DAB1: variants seen among roughly 807,000 people sequenced by gnomAD.
The protein encoded by DAB1 is DAB adaptor protein 1, also known as disabled homolog 1.
A neutral mutation model predicts 64.6 loss-of-function variants in DAB1; 15 were observed. That is an observed-to-expected ratio of 0.23 (90% CI 0.16 to 0.36). The LOEUF (loss-of-function observed/expected upper bound fraction) is 0.36. Among genes scored for constraint, DAB1 ranks in the 10% least tolerant of loss-of-function variants. DAB1 has a pLI of 1.00. For synonymous variants in DAB1, 235 were observed against 251.9 expected, an observed-to-expected ratio of 0.93 and a Z score of 0.64; for missense variants, 596 against 706.7, an observed-to-expected ratio of 0.84 and a Z score of 1.78.
chr1:58,334,196 G>A (rs1663042286), intron 4 of DAB1, among the ~76,000 whole-genome samples: 1 of 152,132 alleles, frequency 6.6e-6, no homozygotes, highest in Non-Finnish European at 1.5e-5. Flanking sequence ...AACTGTGTTT[G>A]TATGGCTTGA....
chr1:58,300,632 GAGAGAGAGAGAGAGAGGAAGGAAGGA>G (rs1476573137), intron 4 of DAB1, among the ~76,000 whole-genome samples: 81 of 69,720 alleles, frequency 1.2e-3, no homozygotes, highest in East Asian at 2.2e-3. Flanking sequence ...GAGAGAGAGA[GAGAGAGAGAGAGAGAGGAAGGAAGGA>G]AGGAAGGAAG....
chr1:58,069,241 T>G (rs1384425757), intron 5 of DAB1, among the ~76,000 whole-genome samples: 2 of 152,216 alleles, frequency 1.3e-5, no homozygotes, highest in African/African-American at 4.8e-5. Flanking sequence ...GCCTGCTTAC[T>G]GTATACCAGG....
upstream of DAB1, among the ~76,000 whole-genome samples, chr1:57,886,379 G>A (rs572093188): frequency 4.0e-4 from 61 of 152,128 alleles, no homozygotes; most frequent in Middle Eastern, 3.4e-3. Context: ...GGCTGGTCTC[G>A]AACTCCTGAC....
chr1:57,475,069 G>A (rs146472594), intron 7 of DAB1, among the ~76,000 whole-genome samples: 14 of 152,278 alleles, frequency 9.2e-5, no homozygotes, highest in South Asian at 8.3e-4. Flanking sequence ...AGACCAGTCC[G>A]TCCAACATGG....
intron 5 of DAB1, among the ~76,000 whole-genome samples, chr1:58,043,883 A>G (rs1647182443): frequency 1.3e-5 from 2 of 151,904 alleles, no homozygotes; most frequent in Admixed American, 1.3e-4. Flanking sequence ...ACACACCACT[A>G]CGTTTGGCCA....
chr1:58,310,766 G>A (rs1662412656), intron 4 of DAB1, among the ~76,000 whole-genome samples: 1 of 152,130 alleles, frequency 6.6e-6, no homozygotes, highest in Non-Finnish European at 1.5e-5. Flanking sequence ...AACAAGTTCA[G>A]TTTAGTAAGC....
At chr1:57,741,060 A>G (rs1647967692) in intron 6 of DAB1, among the ~76,000 whole-genome samples, 1 of 152,134 alleles carries the variant, frequency 6.6e-6, no homozygotes, top group African/African-American at 2.4e-5. Flanking sequence ...TCCCATAGGC[A>G]CAGTTAACGA....
intron 6 of DAB1, among the ~76,000 whole-genome samples, chr1:57,686,686 A>C (rs930320710): frequency 6.6e-6 from 1 of 152,214 alleles, no homozygotes; most frequent in Non-Finnish European, 1.5e-5. Context: ...CCAGCAGCAC[A>C]TATAAAAGTT....
At chr1:57,076,641 C>T (rs564635666) in intron 4 of DAB1, among the ~76,000 whole-genome samples, 1 of 152,312 alleles carries the variant, frequency 6.6e-6, no homozygotes, top group African/African-American at 2.4e-5. Context: ...TGTGCTATTG[C>T]TCACATGGTT....
At chr1:57,042,365 C>A (rs1445420810) in intron 9 of DAB1, among the ~76,000 whole-genome samples, 7 of 152,152 alleles carry the variant, frequency 4.6e-5, no homozygotes, top group Admixed American at 4.6e-4. Flanking sequence ...GGCATAAGAC[C>A]TTTCCTCTGT....
At chr1:58,157,876 G>A (rs1655303551) in intron 4 of DAB1, among the ~76,000 whole-genome samples, 1 of 152,114 alleles carries the variant, frequency 6.6e-6, no homozygotes, top group South Asian at 2.1e-4. Context: ...CCTATTATGA[G>A]CTAACACTTA....
intron 3 of DAB1, among the ~76,000 whole-genome samples, chr1:58,505,114 G>A (rs567032452): frequency 9.9e-5 from 15 of 152,162 alleles, no homozygotes; most frequent in Admixed American, 2.0e-4. Context: ...CACCACGCCC[G>A]CCTAATTTTG....
At chr1:58,318,356 A>G (rs927606659) in intron 4 of DAB1, among the ~76,000 whole-genome samples, 8 of 152,182 alleles carry the variant, frequency 5.3e-5, no homozygotes, top group Admixed American at 1.3e-4. Context: ...TTAGTGTCCA[A>G]TGACTATGAT....
chr1:57,316,433 T>C (rs1310636470), intron 1 of DAB1, among the ~76,000 whole-genome samples: 1 of 152,138 alleles, frequency 6.6e-6, no homozygotes, highest in Non-Finnish European at 1.5e-5. Context: ...GATTTTATTT[T>C]CTCTTGGACA....
intron 4 of DAB1, among the ~76,000 whole-genome samples, chr1:58,302,161 T>C (rs957307063): frequency 3.9e-5 from 6 of 152,140 alleles, no homozygotes; most frequent in Non-Finnish European, 5.9e-5. Context: ...ACAGGTGACA[T>C]TGAAAATGTC....
chr1:58,042,764 G>C (rs1338232923), intron 5 of DAB1, among the ~76,000 whole-genome samples: 3 of 152,198 alleles, frequency 2.0e-5, no homozygotes, highest in African/African-American at 7.2e-5. Context: ...GGAGTACTGA[G>C]AGACTTAGGA....
chr1:57,456,764 T>C (rs1248521042), intron 7 of DAB1, among the ~76,000 whole-genome samples: 1 of 152,136 alleles, frequency 6.6e-6, no homozygotes, highest in Non-Finnish European at 1.5e-5. Flanking sequence ...AAAGGCATGA[T>C]TCTAAGAAAG....
At chr1:58,518,495 C>G (rs1039259974) in intron 2 of DAB1, among the ~76,000 whole-genome samples, 28 of 151,768 alleles carry the variant, frequency 1.8e-4, no homozygotes, top group Non-Finnish European at 3.5e-4. Flanking sequence ...TGAAAGCTAT[C>G]ATGAGCCTGC....
chr1:57,039,789 T>G (rs746018041), intron 9 of DAB1, among the ~76,000 whole-genome samples: 31 of 152,162 alleles, frequency 2.0e-4, no homozygotes, highest in Non-Finnish European at 3.4e-4. Context: ...AGAAAATCAT[T>G]ATGCAAATAA....
Sources: allele counts gnomAD v4.1 joint callset (sites outside exome capture counted in the v4.1 genomes callset), GRCh38; gene constraint gnomAD v4.1.1; transcripts MANE v1.5; gene names NCBI Gene and HGNC (gene_info 2026-07-23, HGNC 2026-07-21).